The following VAPA variants were observed in gnomAD, a reference collection of about 807,000 sequenced individuals.
VAPA encodes VAMP associated protein A, also known as vesicle-associated membrane protein-associated protein A.
Under a neutral mutation model 25.6 loss-of-function variants are expected in VAPA, and 6 were observed. The ratio of observed to expected loss-of-function variants is 0.23; its 90% CI spans 0.13 to 0.46. The LOEUF is 0.46. VAPA is among the 20% of genes least tolerant of loss of function. The pLI is 0.99. For synonymous variants in VAPA, 112 were observed against 106.2 expected, an observed-to-expected ratio of 1.05 and a Z score of -0.34; for missense variants, 244 against 302.1, an observed-to-expected ratio of 0.81 and a Z score of 1.43.
At chr18:9,916,900 T>G (rs1567890515) in intron 1 of VAPA, among the ~76,000 whole-genome samples, 1 of 152,240 alleles carries the variant, frequency 6.6e-6, no homozygotes, top group Admixed American at 6.5e-5. Context: ...GTAATCATTC[T>G]GAGATTGGAT....
intron 1 of VAPA, 93 bp from the exon 2 acceptor site, chr18:9,931,717 T>C: frequency 2.7e-6 from 3 of 1,122,444 alleles, no homozygotes; most frequent in Non-Finnish European, 3.7e-6. Flanking sequence ...CAGCACTTAA[T>C]TAAAATTGAG....
At chr18:9,952,294 G>A (rs766806049) in intron 5 of VAPA, among the ~76,000 whole-genome samples, 2 of 152,056 alleles carry the variant, frequency 1.3e-5, no homozygotes, top group Non-Finnish European at 2.9e-5. Flanking sequence ...TGGGCTGGGC[G>A]GGTGGCTCAC....
At chr18:9,919,629 A>C (rs1010880903) in intron 1 of VAPA, among the ~76,000 whole-genome samples, 1 of 152,244 alleles carries the variant, frequency 6.6e-6, no homozygotes, top group Non-Finnish European at 1.5e-5. Context: ...TGCATGTTCA[A>C]ATATCCGGTA....
intron 4 of VAPA, among the ~76,000 whole-genome samples, chr18:9,943,953 C>T (rs1473952177): frequency 2.7e-5 from 4 of 145,738 alleles, no homozygotes; most frequent in African/African-American, 7.5e-5. Flanking sequence ...CGCCGCCTCC[C>T]GGGTTCACGC....
intron 1 of VAPA, among the ~76,000 whole-genome samples, chr18:9,922,650 A>G (rs2069167058): frequency 6.6e-6 from 1 of 152,058 alleles, no homozygotes; most frequent in African/African-American, 2.4e-5. Flanking sequence ...CAGACCTTCA[A>G]GGTCATATGG....
At chr18:9,914,397 G>T (rs1246040567) in intron 1 of VAPA, 62 bp downstream of exon 1, 8 of 1,464,126 alleles carry the variant, frequency 5.5e-6, no homozygotes, top group African/African-American at 1.5e-5. Flanking sequence ...CTGTCGGCGG[G>T]GGGGCGCGGA....
At chr18:9,937,415 A>G (rs1468591581) in intron 4 of VAPA, among the ~76,000 whole-genome samples, 4 of 152,218 alleles carry the variant, frequency 2.6e-5, no homozygotes, top group African/African-American at 2.4e-5. Context: ...CTTTTTGGCC[A>G]CTATGTACCG....
chr18:9,949,075 C>T (rs967039828), intron 4 of VAPA: 1 of 152,008 alleles, frequency 6.6e-6, no homozygotes, highest in Non-Finnish European at 1.5e-5. Context: ...TGAGTTCTAA[C>T]TACTATTAAG....
rs869048248 is a variant in VAPA, at chr18:9,945,350, C to CTTTTTTTT, written c.418-5024_418-5017dup. Among the ~76,000 whole-genome samples the CTTTTTTTT allele has an allele frequency of 1.6e-3, 93 of 57,308 alleles. 12 individuals are homozygous for CTTTTTTTT. Among genetic ancestry groups the CTTTTTTTT allele is most frequent in the Non-Finnish European group, 1.9e-3 (67 of 34,438 alleles). 37.6% of individuals were successfully genotyped at this position (57,308 alleles called of 152,430 possible). On this transcript the variant is annotated intron_variant, in intron 4 of 5. Transcript: ENST00000400000. ...TTCTTTGAGATTTGGGGAATATACT[C>CTTTTTTTT]TTTTTTTTTTTTTTTTTTTTTTTTT...
chr18:9,931,444 A>G (rs2069254017), intron 1 of VAPA, among the ~76,000 whole-genome samples: 1 of 152,216 alleles, frequency 6.6e-6, no homozygotes, highest in Non-Finnish European at 1.5e-5. Flanking sequence ...AGTAAAATGA[A>G]CTTGAAGATT....
Position 9,958,587 on chromosome 18 carries a change from G to A in VAPA, c.*4376G>A, listed in dbSNP as rs1226919285. Reference sequence around the variant, plus strand: ...CTAATTGGTCTGGGGTGGAGATCTGGCATGGTAGTTTTTTTCAAGCTCCAA... The same window carrying A: ...CTAATTGGTCTGGGGTGGAGATCTGACATGGTAGTTTTTTTCAAGCTCCAA... On this transcript the variant is annotated 3_prime_UTR_variant, in exon 6 of 6. Coordinates refer to ENST00000400000, the MANE Select transcript of VAPA (RefSeq NM_194434.3). The A allele has an allele frequency of 6.6e-6, 1 of 152,006 alleles. No homozygotes were observed. The highest frequency in any genetic ancestry group is 2.4e-5 in the African/African-American group (1 of 41,416). The allele number at this position is 152,006 out of a possible 1,614,324, so 9.4% of individuals were successfully genotyped here.
chr18:9,925,117 C>G (rs2069189539), intron 1 of VAPA: 1 of 151,990 alleles, frequency 6.6e-6, no homozygotes, highest in South Asian at 2.1e-4. Context: ...CTTTTTCATA[C>G]TGTAATTTTA....
At chr18:9,944,747 G>A (rs1158187041) in intron 4 of VAPA, among the ~76,000 whole-genome samples, 4 of 152,218 alleles carry the variant, frequency 2.6e-5, no homozygotes, top group African/African-American at 4.8e-5. Context: ...AGCGAGTTCA[G>A]AAACTACTTT....
chr18:9,915,331 G>A (rs538467942), intron 1 of VAPA, among the ~76,000 whole-genome samples: 150 of 152,318 alleles, frequency 9.8e-4, no homozygotes, highest in African/African-American at 1.9e-3. Flanking sequence ...CCTGTGATAA[G>A]TTTTTTAGTC....
chr18:9,950,713 A>G (rs746817414), intron 5 of VAPA, 145 bp downstream of exon 5: 12 of 722,500 alleles, frequency 1.7e-5, no homozygotes, highest in Non-Finnish European at 2.0e-5. Flanking sequence ...TCCCCACCCT[A>G]CTCCTCTTTT....
At chr18:9,917,672 C>T (rs1436833807) in intron 1 of VAPA, among the ~76,000 whole-genome samples, 1 of 152,016 alleles carries the variant, frequency 6.6e-6, no homozygotes, top group East Asian at 1.9e-4. Context: ...CAGAGAGAGA[C>T]GAAAATAAAC....
At chr18:9,921,700 C>G (rs747910624) in intron 1 of VAPA, among the ~76,000 whole-genome samples, 2 of 152,130 alleles carry the variant, frequency 1.3e-5, no homozygotes, top group Non-Finnish European at 2.9e-5. Flanking sequence ...GGATCTTGCT[C>G]TCTTTTGATC....
At chr18:9,941,978 C>G (rs547459854) in intron 4 of VAPA, among the ~76,000 whole-genome samples, 2 of 152,244 alleles carry the variant, frequency 1.3e-5, no homozygotes, top group African/African-American at 4.8e-5. Context: ...TCTTTGAGAT[C>G]TTTTGACCCT....
chr18:9,938,139 G>A (rs959169952), intron 4 of VAPA, among the ~76,000 whole-genome samples: 1 of 152,056 alleles, frequency 6.6e-6, no homozygotes, highest in Admixed American at 6.5e-5. Flanking sequence ...AGCTTGCCCA[G>A]CTCTTACTGT....
Sources: allele counts gnomAD v4.1 joint callset (sites outside exome capture counted in the v4.1 genomes callset), GRCh38; gene constraint gnomAD v4.1.1; transcripts MANE v1.5; gene names NCBI Gene and HGNC (gene_info 2026-07-23, HGNC 2026-07-21).